CTNNA2: variants seen among roughly 807,000 people sequenced by gnomAD.
CTNNA2 encodes the protein catenin alpha 2, also known as catenin alpha-2.
Under a neutral mutation model 101.0 loss-of-function variants are expected in CTNNA2, and 42 were observed. The observed-to-expected ratio is 0.42, with a 90% CI of 0.32 to 0.54. CTNNA2 has a LOEUF of 0.54. CTNNA2 is among the 20% of genes least tolerant of loss of function. CTNNA2 has a pLI of 0.14. For missense variants in CTNNA2, 871 were observed against 1,223.1 expected (o/e 0.71, Z 4.29); for synonymous variants, 450 against 456.4 (o/e 0.99, Z 0.18).
intron 3 of CTNNA2, among the ~76,000 whole-genome samples, chr2:79,791,547 G>A (rs570772461): frequency 6.6e-6 from 1 of 152,238 alleles, no homozygotes; most frequent in South Asian, 2.1e-4. Flanking sequence ...GTTGCTTCAG[G>A]GGTAGCCTTT....
At chr2:79,274,355 T>C (rs770370799) in intron 2 of CTNNA2, among the ~76,000 whole-genome samples, 4 of 152,082 alleles carry the variant, frequency 2.6e-5, no homozygotes, top group Non-Finnish European at 5.9e-5. Flanking sequence ...GGACTTTTAG[T>C]CTGAGAATTT....
chr2:80,267,752 G>A (rs539026743), intron 7 of CTNNA2, among the ~76,000 whole-genome samples: 1 of 152,346 alleles, frequency 6.6e-6, no homozygotes, highest in East Asian at 1.9e-4. Context: ...AGTGACCGGA[G>A]CCAAAGGATG....
chr2:79,777,371 G>A (rs942984130), intron 3 of CTNNA2, among the ~76,000 whole-genome samples: 27 of 132,730 alleles, frequency 2.0e-4, no homozygotes, highest in African/African-American at 1.0e-4. Flanking sequence ...GTGTGTGTGT[G>A]TGTGTCTGTA....
chr2:79,997,303 A>G (rs1692620006), intron 7 of CTNNA2, among the ~76,000 whole-genome samples: 1 of 151,832 alleles, frequency 6.6e-6, no homozygotes, highest in Non-Finnish European at 1.5e-5. Context: ...GAAGGAAGGA[A>G]GGAAGGAGAA....
At chr2:80,559,891 T>TATATATATATACACAC (rs1553387588) in intron 12 of CTNNA2, among the ~76,000 whole-genome samples, 19 of 146,886 alleles carry the variant, frequency 1.3e-4, no homozygotes, top group African/African-American at 4.7e-4. Flanking sequence ...TATATATATA[T>TATATATATATACACAC]ACACACACAT....
In CTNNA2 at chr2:79,351,836, T is replaced by C. The variant is rs564184467; in HGVS notation, c.-317-21995T>C. 5.3e-5 allele frequency among the ~76,000 whole-genome samples: 8 copies of C among 152,334 alleles called. No individual in the cohort carries two copies. In the South Asian group the frequency reaches 1.7e-3, roughly 32 times the overall value. On this transcript the variant is annotated intron_variant, in intron 3 of 21. Coordinates refer to the CTNNA2 transcript ENST00000466387. ...CACATTTTCTTTATCCGATCCACCA[T>C]TGATGAACATCGTATTTGATTCCAT...
intron 9 of CTNNA2, among the ~76,000 whole-genome samples, chr2:80,495,533 C>T (rs774810178): frequency 6.6e-6 from 1 of 152,140 alleles, no homozygotes; most frequent in Non-Finnish European, 1.5e-5. Context: ...CCCCCAGTAC[C>T]TCATACTATG....
At chr2:80,201,307 G>A (rs1244091430) in intron 7 of CTNNA2, among the ~76,000 whole-genome samples, 2 of 148,064 alleles carry the variant, frequency 1.4e-5, no homozygotes, top group African/African-American at 5.0e-5. Flanking sequence ...AGGCAAATCA[G>A]TCTTTTATTT....
At chr2:79,487,085 C>T (rs1329591743) in intron 4 of CTNNA2, among the ~76,000 whole-genome samples, 1 of 151,964 alleles carries the variant, frequency 6.6e-6, no homozygotes, top group African/African-American at 2.4e-5. Context: ...AAAATTTAGC[C>T]CTATAATTCC....
At chr2:80,143,369 T>C (rs1703133821) in intron 7 of CTNNA2, among the ~76,000 whole-genome samples, 1 of 152,202 alleles carries the variant, frequency 6.6e-6, no homozygotes, top group African/African-American at 2.4e-5. Flanking sequence ...ATTCATACAT[T>C]GTGGGATGAT....
At chr2:79,990,057 A>G (rs1234728635) in intron 7 of CTNNA2, among the ~76,000 whole-genome samples, 2 of 152,166 alleles carry the variant, frequency 1.3e-5, no homozygotes, top group Non-Finnish European at 2.9e-5. Flanking sequence ...GGAAGAAACA[A>G]AGAGTGATTA....
chr2:79,939,922 G>A (rs1010137893), intron 7 of CTNNA2, among the ~76,000 whole-genome samples: 3 of 152,182 alleles, frequency 2.0e-5, no homozygotes, highest in East Asian at 1.9e-4. Flanking sequence ...GAGAAATCCC[G>A]TCTCTACTAA....
At chr2:79,641,394 G>T (rs1025845083) in intron 1 of CTNNA2, among the ~76,000 whole-genome samples, 3 of 152,168 alleles carry the variant, frequency 2.0e-5, no homozygotes, top group Non-Finnish European at 4.4e-5. Context: ...AATTGCCAAA[G>T]AAGCTATGTT....
intron 1 of CTNNA2, among the ~76,000 whole-genome samples, chr2:79,522,300 A>G (rs538603314): frequency 6.6e-6 from 1 of 152,280 alleles, no homozygotes. Context: ...TTCTGGTCAT[A>G]TGTAACAGCC....
intron 3 of CTNNA2, among the ~76,000 whole-genome samples, chr2:79,799,759 C>T (rs547672793): frequency 6.6e-6 from 1 of 152,136 alleles, no homozygotes; most frequent in African/African-American, 2.4e-5. Flanking sequence ...TCCTTTCATT[C>T]TTTAAACTAT....
chr2:80,610,946 T>C (rs1698417479), intron 17 of CTNNA2, among the ~76,000 whole-genome samples: 1 of 151,314 alleles, frequency 6.6e-6, no homozygotes, highest in Non-Finnish European at 1.5e-5. Context: ...TGTTTCTGTG[T>C]ATGCTCATCC....
At chr2:80,285,770 A>G (rs1173479012) in intron 7 of CTNNA2, among the ~76,000 whole-genome samples, 5 of 152,168 alleles carry the variant, frequency 3.3e-5, no homozygotes, top group Non-Finnish European at 5.9e-5. Context: ...TTCAAATATG[A>G]ATTGATACAG....
chr2:79,315,390 G>A (rs1004836839), intron 3 of CTNNA2, among the ~76,000 whole-genome samples: 2 of 152,060 alleles, frequency 1.3e-5, no homozygotes, highest in Admixed American at 1.3e-4. Flanking sequence ...GTATCCATTA[G>A]CAGTCAGTTA....
intron 4 of CTNNA2, among the ~76,000 whole-genome samples, chr2:79,447,579 C>T (rs1052418804): frequency 6.6e-6 from 1 of 152,016 alleles, no homozygotes; most frequent in African/African-American, 2.4e-5. Context: ...ATGAGGTCCT[C>T]ATGCAGTTTA....
Sources: allele counts gnomAD v4.1 joint callset (sites outside exome capture counted in the v4.1 genomes callset), GRCh38; gene constraint gnomAD v4.1.1; transcripts MANE v1.5; gene names NCBI Gene and HGNC (gene_info 2026-07-23, HGNC 2026-07-21).